SLC35F1: variants seen among roughly 807,000 people sequenced by gnomAD.
The protein encoded by SLC35F1 is chromosome 6 open reading frame 169.
A neutral mutation model predicts 48.7 loss-of-function variants in SLC35F1; 14 were observed. The ratio of observed to expected loss-of-function variants is 0.29; its 90% CI spans 0.19 to 0.45. The LOEUF is 0.45. SLC35F1 is among the 20% of genes least tolerant of loss of function. SLC35F1 has a pLI of 1.00. For synonymous variants in SLC35F1, 190 were observed against 202.2 expected, an observed-to-expected ratio of 0.94 and a Z score of 0.51; for missense variants, 404 against 500.0, an observed-to-expected ratio of 0.81 and a Z score of 1.83.
At chr6:118,131,232 TAGAA>T (rs1305289048) in intron 1 of SLC35F1, among the ~76,000 whole-genome samples, 1 of 140,566 alleles carries the variant, frequency 7.1e-6, no homozygotes, top group East Asian at 1.9e-4. Context: ...AGTTGTAACA[TAGAA>T]AGCATAAAAC....
intron 2 of SLC35F1, among the ~76,000 whole-genome samples, chr6:118,216,086 G>GT (rs869073333): frequency 9.8e-4 from 108 of 109,864 alleles, no homozygotes; most frequent in Admixed American, 8.6e-4. Flanking sequence ...TTTGTTTTTT[G>GT]TTTTTTTTTT....
intron 1 of SLC35F1, among the ~76,000 whole-genome samples, chr6:117,918,628 T>C (rs1775856891): frequency 6.6e-6 from 1 of 152,056 alleles, no homozygotes; most frequent in South Asian, 2.1e-4. Flanking sequence ...AGAAAGGAAA[T>C]ATACTAAAGA....
chr6:118,010,010 G>C (rs1253273171), intron 1 of SLC35F1, among the ~76,000 whole-genome samples: 1 of 152,152 alleles, frequency 6.6e-6, no homozygotes, highest in Non-Finnish European at 1.5e-5. Context: ...AACCTCTGAA[G>C]ATAGAAACTG....
intron 2 of SLC35F1, among the ~76,000 whole-genome samples, chr6:118,161,923 C>T (rs1352873812): frequency 2.6e-5 from 4 of 152,164 alleles, no homozygotes; most frequent in East Asian, 3.8e-4. Context: ...ACCACCTGTA[C>T]GTGGGAATAC....
chr6:117,933,837 C>T (rs1776131960), intron 1 of SLC35F1, among the ~76,000 whole-genome samples: 1 of 152,030 alleles, frequency 6.6e-6, no homozygotes, highest in Non-Finnish European at 1.5e-5. Context: ...TGCTAGTGCA[C>T]TTTCTAGGAC....
intron 1 of SLC35F1, among the ~76,000 whole-genome samples, chr6:117,922,436 G>A (rs62432050): frequency 1.1e-4 from 17 of 152,186 alleles, no homozygotes; most frequent in Non-Finnish European, 1.8e-4. Context: ...TAAGGACAGC[G>A]TAGTCCTAAA....
intron 7 of SLC35F1, among the ~76,000 whole-genome samples, chr6:118,304,840 G>A (rs201366251): frequency 1.2e-4 from 18 of 151,180 alleles, no homozygotes; most frequent in Non-Finnish European, 1.6e-4. Flanking sequence ...GACACAGCAA[G>A]GAAGAGGCAA....
chr6:118,202,447 T>A (rs1008483640), intron 2 of SLC35F1, among the ~76,000 whole-genome samples: 1 of 152,178 alleles, frequency 6.6e-6, no homozygotes, highest in Non-Finnish European at 1.5e-5. Context: ...CAGTGAGCTA[T>A]GTTTGCACCA....
rs143893034 is a variant in SLC35F1, at chr6:118,216,677, TA to T, written c.350-18831del. On this transcript the variant is annotated intron_variant, in intron 2 of 7. Transcript: ENST00000360388. ...AATAATATACTCATTACACAGGAAT[TA>T]TTTCCTTATTGTCTTTATTTGAAGA... Among the ~76,000 whole-genome samples the T allele has an allele frequency of 9.0e-3, 1,371 of 152,288 alleles. 22 individuals carry two copies. The highest frequency in any genetic ancestry group is 0.032 in the African/African-American group (1,321 of 41,542).
intron 1 of SLC35F1, among the ~76,000 whole-genome samples, chr6:117,912,387 A>C (rs1000373007): frequency 1.3e-5 from 2 of 152,262 alleles, no homozygotes; most frequent in African/African-American, 4.8e-5. Flanking sequence ...ATATGTGTAC[A>C]TAGCCTTTCT....
intron 1 of SLC35F1, among the ~76,000 whole-genome samples, chr6:118,148,011 A>G (rs923257187): frequency 6.6e-6 from 1 of 152,230 alleles, no homozygotes; most frequent in South Asian, 2.1e-4. Context: ...AAGAGCTTAT[A>G]GAAGTCAATG....
chr6:118,271,674 T>A (rs1465478651), intron 4 of SLC35F1, among the ~76,000 whole-genome samples: 7 of 152,150 alleles, frequency 4.6e-5, no homozygotes, highest in Non-Finnish European at 1.0e-4. Context: ...TACACAAACA[T>A]GTCTCCAAAC....
At chr6:117,979,472 G>T (rs1582597404) in intron 1 of SLC35F1, among the ~76,000 whole-genome samples, 1 of 152,204 alleles carries the variant, frequency 6.6e-6, no homozygotes, top group East Asian at 1.9e-4. Flanking sequence ...TCCAACAGAA[G>T]TAGACTTCAG....
At chr6:118,003,329 C>A (rs1777130843) in intron 1 of SLC35F1, among the ~76,000 whole-genome samples, 1 of 152,208 alleles carries the variant, frequency 6.6e-6, no homozygotes, top group Non-Finnish European at 1.5e-5. Context: ...TTATGAGATT[C>A]TATAAACATA....
intron 1 of SLC35F1, among the ~76,000 whole-genome samples, chr6:118,150,390 A>G (rs1774038047): frequency 6.6e-6 from 1 of 152,294 alleles, no homozygotes; most frequent in East Asian, 1.9e-4. Flanking sequence ...GACATATAGA[A>G]TGCTATTTTA....
At position 118,313,340 on chromosome 6, in the gene SLC35F1, T is replaced by C. The variant is rs116450885; in HGVS notation, c.1003-688T>C. Among the ~76,000 whole-genome samples the C allele has an allele frequency of 5.1e-3, 779 of 152,308 alleles. 9 individuals are homozygous for C. Among genetic ancestry groups the C allele is most frequent in the African/African-American group, 0.018 (747 of 41,584 alleles). ...TTCTTGCGACTTGTGTAAACCAGTA[T>C]TTTCTCTCCCTCTCCCCGCAAACTC... On this transcript the variant is annotated intron_variant, in intron 7 of 7. Coordinates refer to ENST00000360388, the MANE Select transcript of SLC35F1 (RefSeq NM_001029858.4).
intron 1 of SLC35F1, among the ~76,000 whole-genome samples, chr6:117,924,196 T>C (rs1394383654): frequency 1.1e-5 from 1 of 93,848 alleles, no homozygotes; most frequent in African/African-American, 4.6e-5. Context: ...TAGGTACACA[T>C]GCATATGTAT....
intron 1 of SLC35F1, among the ~76,000 whole-genome samples, chr6:117,921,137 A>T (rs1371612782): frequency 6.6e-6 from 1 of 151,944 alleles, no homozygotes; most frequent in African/African-American, 2.4e-5. Flanking sequence ...TTAATTGATG[A>T]TAGCCCCCCA....
intron 1 of SLC35F1, among the ~76,000 whole-genome samples, chr6:118,044,789 T>G (rs1224886760): frequency 1.3e-5 from 2 of 152,182 alleles, no homozygotes; most frequent in East Asian, 3.9e-4. Flanking sequence ...GGCTGTCCTC[T>G]TGGATCCAAC....
Sources: allele counts gnomAD v4.1 joint callset (sites outside exome capture counted in the v4.1 genomes callset), GRCh38; gene constraint gnomAD v4.1.1; transcripts MANE v1.5; gene names NCBI Gene and HGNC (gene_info 2026-07-23, HGNC 2026-07-21).